The following MDGA2 variants were observed in gnomAD, a reference collection of about 807,000 sequenced individuals.
MDGA2 encodes MAM domain containing glycosylphosphatidylinositol anchor 2.
Under a neutral mutation model 117.8 loss-of-function variants are expected in MDGA2, and 40 were observed. That is an observed-to-expected ratio of 0.34 (90% CI 0.26 to 0.44). The LOEUF is 0.44. MDGA2 is among the 20% of genes least tolerant of loss of function. MDGA2 has a pLI of 1.00. For missense variants in MDGA2, 1,123 were observed against 1,250.6 expected (o/e 0.90, Z 1.54); for synonymous variants, 452 against 439.0 (o/e 1.03, Z -0.37).
At chr14:47,116,346 C>A (rs1566633496) in intron 5 of MDGA2, among the ~76,000 whole-genome samples, 1 of 151,842 alleles carries the variant, frequency 6.6e-6, no homozygotes, top group Admixed American at 6.6e-5. Context: ...CCCAAAGTGA[C>A]CTACAGATTC....
At chr14:47,075,337 A>G (rs907618458) in intron 6 of MDGA2, among the ~76,000 whole-genome samples, 14 of 152,134 alleles carry the variant, frequency 9.2e-5, no homozygotes, top group Non-Finnish European at 1.8e-4. Flanking sequence ...CACTTCCACA[A>G]AGTAAGTTGT....
chr14:47,209,178 A>T (rs1885794606), intron 3 of MDGA2, among the ~76,000 whole-genome samples: 1 of 152,170 alleles, frequency 6.6e-6, no homozygotes, highest in Admixed American at 6.6e-5. Flanking sequence ...TAACCAAAAT[A>T]CTTTTAGGTC....
chr14:47,428,132 C>G (rs930088123), intron 1 of MDGA2, among the ~76,000 whole-genome samples: 17 of 151,858 alleles, frequency 1.1e-4, no homozygotes, highest in African/African-American at 4.1e-4. Flanking sequence ...ATTCTTTATC[C>G]CACTTCAAAT....
chr14:47,065,023 G>A (rs1168618831), intron 6 of MDGA2, among the ~76,000 whole-genome samples: 1 of 152,032 alleles, frequency 6.6e-6, no homozygotes, highest in East Asian at 1.9e-4. Flanking sequence ...TCTGAATATT[G>A]AAAATCCCCT....
At chr14:47,515,537 G>A (rs1232756950) in intron 1 of MDGA2, among the ~76,000 whole-genome samples, 2 of 152,064 alleles carry the variant, frequency 1.3e-5, no homozygotes, top group Non-Finnish European at 2.9e-5. Flanking sequence ...CAGTGGCTGG[G>A]TGCCAAATAT....
chr14:47,611,840 A>C (rs537556345), intron 1 of MDGA2, among the ~76,000 whole-genome samples: 24 of 152,208 alleles, frequency 1.6e-4, no homozygotes, highest in Admixed American at 5.2e-4. Context: ...TTGATCAAGC[A>C]CTTTATTGGC....
chr14:47,618,107 C>A (rs1896980212), intron 1 of MDGA2, among the ~76,000 whole-genome samples: 1 of 152,066 alleles, frequency 6.6e-6, no homozygotes, highest in East Asian at 1.9e-4. Context: ...TAATTATCAT[C>A]ATTATGGCCA....
chr14:46,941,154 G>GT (rs1250706748), intron 9 of MDGA2, among the ~76,000 whole-genome samples: 1 of 152,152 alleles, frequency 6.6e-6, no homozygotes, highest in Non-Finnish European at 1.5e-5. Flanking sequence ...TGCAAAGCAG[G>GT]TATCTATCTG....
chr14:46,857,141 T>C lies in MDGA2; in HGVS notation c.2753-1987A>G, dbSNP rs985416146. Among the ~76,000 whole-genome samples, 4 of 152,232 alleles carry C rather than the reference T, an allele frequency of 2.6e-5. No individual in the cohort carries two copies. In the South Asian group the frequency reaches 6.2e-4, roughly 24 times the overall value. On this transcript the variant is annotated intron_variant, in intron 14 of 16. Coordinates refer to ENST00000399232, the MANE Select transcript of MDGA2 (RefSeq NM_001113498.3). Reference sequence around the variant, plus strand: ...CCGGTACTATTTTTTAAGAGCCAGATATGAATATATTTTCTATAAATTATA... The same window carrying C: ...CCGGTACTATTTTTTAAGAGCCAGACATGAATATATTTTCTATAAATTATA...
In MDGA2 at chr14:47,167,137, A is replaced by G. The variant is rs116390517; in HGVS notation, c.596-22863T>C. Among the ~76,000 whole-genome samples, 846 of 152,252 alleles carry G rather than the reference A, an allele frequency of 5.6e-3. 8 individuals are homozygous for G. The highest frequency in any genetic ancestry group is 0.02 in the African/African-American group (813 of 41,538). ...ATATATACTTTTAATGCTGCTCTAG[A>G]ATTAGCTTCCAAATGCAGATGTGAC... On this transcript the variant is annotated intron_variant, in intron 3 of 16. Transcript: ENST00000399232.
Position 47,180,151 on chromosome 14 carries a change from A to G in MDGA2, c.596-35877T>C, listed in dbSNP as rs533290246. Among the ~76,000 whole-genome samples, 11 of 152,230 alleles carry G rather than the reference A, an allele frequency of 7.2e-5. 2 individuals are homozygous for G. In the South Asian group the frequency reaches 2.1e-3, roughly 29 times the overall value. On this transcript the variant is annotated intron_variant, in intron 3 of 16. Transcript: ENST00000399232. Reference sequence around the variant, plus strand: ...TCCAGGTATATTGAGCCTAGTACCCATTAGTTATTTTTCTTGATCCTCTCC... The same window carrying G: ...TCCAGGTATATTGAGCCTAGTACCCGTTAGTTATTTTTCTTGATCCTCTCC...
chr14:47,228,555 C>T (rs1391963679), intron 2 of MDGA2, among the ~76,000 whole-genome samples: 2 of 152,106 alleles, frequency 1.3e-5, no homozygotes, highest in African/African-American at 2.4e-5. Context: ...GCATCTTTAG[C>T]TAGCACATTA....
intron 2 of MDGA2, among the ~76,000 whole-genome samples, chr14:47,234,784 T>C (rs540486927): frequency 6.6e-6 from 1 of 152,240 alleles, no homozygotes; most frequent in South Asian, 2.1e-4. Flanking sequence ...TTCCAACAAA[T>C]AGCAGATGCT....
At chr14:47,364,485 C>A (rs1040538250) in intron 1 of MDGA2, among the ~76,000 whole-genome samples, 7 of 152,038 alleles carry the variant, frequency 4.6e-5, no homozygotes, top group Non-Finnish European at 1.0e-4. Flanking sequence ...AGAATGGTCT[C>A]GATCTCCTGA....
intron 3 of MDGA2, among the ~76,000 whole-genome samples, chr14:47,147,485 G>A (rs1461005354): frequency 6.6e-6 from 1 of 152,096 alleles, no homozygotes; most frequent in Non-Finnish European, 1.5e-5. Context: ...GAGGCAAAGG[G>A]GCTAAGCCTT....
At chr14:47,160,978 C>G (rs1432685284) in intron 3 of MDGA2, among the ~76,000 whole-genome samples, 1 of 152,130 alleles carries the variant, frequency 6.6e-6, no homozygotes, top group African/African-American at 2.4e-5. Flanking sequence ...TCTCCTTTTT[C>G]TAAGGTTATG....
intron 1 of MDGA2, among the ~76,000 whole-genome samples, chr14:47,523,373 AATT>A (rs1341151592): frequency 6.6e-6 from 1 of 152,182 alleles, no homozygotes; most frequent in Non-Finnish European, 1.5e-5. Context: ...ATTGACCCTG[AATT>A]ATTATCTATT....
At chr14:46,923,610 G>A (rs1040051409) in intron 9 of MDGA2, among the ~76,000 whole-genome samples, 1 of 151,956 alleles carries the variant, frequency 6.6e-6, no homozygotes, top group Non-Finnish European at 1.5e-5. Context: ...CAGTTGTTAC[G>A]ATTAAATATA....
At chr14:47,443,402 C>CT (rs912872987) in intron 1 of MDGA2, among the ~76,000 whole-genome samples, 2 of 152,178 alleles carry the variant, frequency 1.3e-5, no homozygotes, top group African/African-American at 2.4e-5. Flanking sequence ...ATGTATCCCC[C>CT]TTGGATATGG....
Sources: gnomAD v4.1 joint callset for allele counts (sites outside exome capture counted in the v4.1 genomes callset) on GRCh38, gnomAD v4.1.1 for gene constraint, MANE v1.5 for transcripts, NCBI Gene and HGNC (gene_info 2026-07-23, HGNC 2026-07-21) for gene names.